The following SNTB1 variants were observed in gnomAD, a reference collection of about 807,000 sequenced individuals.
SNTB1 encodes the protein beta-1-syntrophin.
Under a neutral mutation model 48.9 loss-of-function variants are expected in SNTB1, and 36 were observed. The ratio of observed to expected loss-of-function variants is 0.74; its 90% CI spans 0.56 to 0.97. The LOEUF (loss-of-function observed/expected upper bound fraction) is 0.97, where lower values mean the gene tolerates loss of function less well. Among genes scored for constraint, SNTB1 ranks in the 50% least tolerant of loss-of-function variants. The pLI is 0.00. For synonymous variants in SNTB1, 299 were observed against 294.6 expected (o/e 1.01, Z -0.15); for missense variants, 786 against 703.4 (o/e 1.12, Z -1.33).
At chr8:120,663,473 ATTTTAGTAG>A (rs1320191874) in intron 2 of SNTB1, among the ~76,000 whole-genome samples, 3 of 151,980 alleles carry the variant, frequency 2.0e-5, no homozygotes, top group Non-Finnish European at 2.9e-5. Flanking sequence ...TGCCCAGTTA[ATTTTAGTAG>A]TTTTAGTAGG....
chr8:120,542,724 A>G (rs1381261264), intron 5 of SNTB1, among the ~76,000 whole-genome samples: 2 of 151,978 alleles, frequency 1.3e-5, no homozygotes, highest in African/African-American at 2.4e-5. Flanking sequence ...ACACACACAC[A>G]CACACGCACA....
rs1815220513 is a variant in SNTB1 at position 120,537,517 on chromosome 8, G to C, written c.*1360C>G. On this transcript the variant is annotated 3_prime_UTR_variant, in exon 7 of 7. Coordinates refer to ENST00000517992, the MANE Select transcript of SNTB1 (RefSeq NM_021021.4). ...CTTTAACACGGTTTCACTTTTTGAA[G>C]CTCTTTGCATGGGTATTTGTTAACA... 6.6e-6 allele frequency: 1 copy of C among 152,132 alleles called. No individual in the cohort carries two copies. Among genetic ancestry groups the C allele is most frequent in the Non-Finnish European group, 1.5e-5 (1 of 68,008 alleles). The allele number at this position is 152,132 out of a possible 1,614,324, so 9.4% of individuals were successfully genotyped here.
At chr8:120,769,809 T>C (rs1819588084) in intron 1 of SNTB1, 1 of 152,240 alleles carries the variant, frequency 6.6e-6, no homozygotes, top group African/African-American at 2.4e-5. Context: ...GAAAGAATAC[T>C]TTTTTAAAGT....
intron 2 of SNTB1, among the ~76,000 whole-genome samples, chr8:120,672,663 T>G (rs1161951501): frequency 6.6e-6 from 1 of 152,242 alleles, no homozygotes; most frequent in Admixed American, 6.5e-5. Context: ...AGTGACTTAT[T>G]TCACATAACT....
At chr8:120,750,955 A>C (rs182324831) in intron 1 of SNTB1, among the ~76,000 whole-genome samples, 1 of 152,044 alleles carries the variant, frequency 6.6e-6, no homozygotes, top group Non-Finnish European at 1.5e-5. Flanking sequence ...AAACACATAC[A>C]ATCAGCCTGC....
intron 2 of SNTB1, 142 bp downstream of exon 2, chr8:120,693,550 A>G (rs1296838179): frequency 1.4e-6 from 1 of 719,462 alleles, no homozygotes; most frequent in African/African-American, 1.8e-5. Flanking sequence ...GACACACACA[A>G]TTCTCAGCAT....
chr8:120,602,885 T>C (rs917770116), intron 3 of SNTB1, among the ~76,000 whole-genome samples: 14 of 151,860 alleles, frequency 9.2e-5, no homozygotes, highest in African/African-American at 3.1e-4. Flanking sequence ...TTCAAAGTCA[T>C]TAAACTTTTA....
At chr8:120,730,155 T>A (rs953978417) in intron 1 of SNTB1, among the ~76,000 whole-genome samples, 14 of 152,302 alleles carry the variant, frequency 9.2e-5, no homozygotes, top group African/African-American at 3.4e-4. Flanking sequence ...TTATTTTTTA[T>A]TTTTATTATG....
intron 3 of SNTB1, among the ~76,000 whole-genome samples, chr8:120,614,682 C>A (rs920879715): frequency 1.3e-5 from 2 of 152,106 alleles, no homozygotes; most frequent in Admixed American, 6.5e-5. Flanking sequence ...AAGCCATTAT[C>A]GGACTCTTCA....
chr8:120,599,938 A>T (rs76115074), intron 3 of SNTB1, among the ~76,000 whole-genome samples: 2,695 of 152,324 alleles, frequency 0.018, 76 homozygotes, highest in African/African-American at 0.06. Context: ...CATAAGCTAT[A>T]CTTATTACAT....
chr8:120,595,154 T>C (rs1270090248), intron 3 of SNTB1, among the ~76,000 whole-genome samples: 3 of 152,010 alleles, frequency 2.0e-5, no homozygotes, highest in African/African-American at 7.2e-5. Context: ...GTCAGAGCTG[T>C]TTGAACCAGA....
chr8:120,723,066 G>T (rs1195920094), intron 1 of SNTB1, among the ~76,000 whole-genome samples: 1 of 152,112 alleles, frequency 6.6e-6, no homozygotes, highest in East Asian at 1.9e-4. Flanking sequence ...AAGATCAGAT[G>T]GTTGTAGATG....
chr8:120,759,482 A>T (rs1819376623), intron 1 of SNTB1, among the ~76,000 whole-genome samples: 2 of 152,082 alleles, frequency 1.3e-5, no homozygotes, highest in South Asian at 4.1e-4. Context: ...ACTGAAGAAT[A>T]AAAAAAATCA....
chr8:120,811,139 C>G (rs6983952), intron 1 of SNTB1, 134 bp downstream of exon 1: 15 of 1,250,406 alleles, frequency 1.2e-5, no homozygotes, highest in South Asian at 1.6e-5. Context: ...CTTCCCCCCC[C>G]CCCAACACAC....
rs150537422 is a variant in SNTB1, at chr8:120,717,360, G to A, written c.572-23452C>T. ...TATTAAGACTCTTCTCCCACTGCAC[G>A]AGTCGAGAGCTAGAACACAGAGCCC... On this transcript the variant is annotated intron_variant, in intron 1 of 6. Transcript: ENST00000517992. Among the ~76,000 whole-genome samples, 571 of 152,304 alleles carry A rather than the reference G, an allele frequency of 3.7e-3. 4 individuals are homozygous for A. Among genetic ancestry groups the A allele is most frequent in the African/African-American group, 0.013 (542 of 41,554 alleles).
intron 1 of SNTB1, among the ~76,000 whole-genome samples, chr8:120,806,861 A>G (rs1019779076): frequency 3.3e-5 from 5 of 152,200 alleles, no homozygotes; most frequent in Admixed American, 2.0e-4. Context: ...ATTTTCTTCC[A>G]ATCCTGATAT....
At chr8:120,545,926 A>G (rs1215547595) in intron 5 of SNTB1, among the ~76,000 whole-genome samples, 1 of 152,230 alleles carries the variant, frequency 6.6e-6, no homozygotes, top group African/African-American at 2.4e-5. Flanking sequence ...TGTTATTCCT[A>G]TTAAACCTAT....
At chr8:120,545,458 T>C (rs1227403502) in intron 5 of SNTB1, among the ~76,000 whole-genome samples, 1 of 152,224 alleles carries the variant, frequency 6.6e-6, no homozygotes, top group East Asian at 1.9e-4. Context: ...TCTTGTTAAA[T>C]GCAAATTCTC....
rs10112534 is a variant in SNTB1 at position 120,784,545 on chromosome 8, C to T, written c.571+26728G>A. On this transcript the variant is annotated intron_variant, in intron 1 of 6. Transcript: ENST00000517992. ...GCCTGATTTCCTGGACACAGCTGTC[C>T]GGACAAAGGAGAGACACCTGACCCG... Among the ~76,000 whole-genome samples, 329 of 152,194 alleles carry T rather than the reference C, an allele frequency of 2.2e-3. 1 individual carries two copies. Among genetic ancestry groups the T allele is most frequent in the African/African-American group, 7.5e-3 (313 of 41,514 alleles).
Sources: allele counts gnomAD v4.1 joint callset (sites outside exome capture counted in the v4.1 genomes callset), GRCh38; gene constraint gnomAD v4.1.1; transcripts MANE v1.5; gene names NCBI Gene and HGNC (gene_info 2026-07-23, HGNC 2026-07-21).